Variants in THSD7B observed in about 807,000 individuals in gnomAD.
THSD7B encodes the protein thrombospondin type-1 domain-containing protein 7B.
Under a neutral mutation model 213.6 loss-of-function variants are expected in THSD7B, and 138 were observed. That is an observed-to-expected ratio of 0.65 (90% CI 0.56 to 0.74). The LOEUF is 0.74. Ranked by LOEUF, THSD7B falls within the 30% of genes least tolerant of loss-of-function variation. The pLI is 0.00. For missense variants in THSD7B, 1,931 were observed against 1,991.5 expected (o/e 0.97, Z 0.58); for synonymous variants, 742 against 687.0 (o/e 1.08, Z -1.25).
intron 15 of THSD7B, among the ~76,000 whole-genome samples, chr2:137,492,908 T>C (rs1382360484): frequency 6.6e-6 from 1 of 151,446 alleles, no homozygotes; most frequent in East Asian, 1.9e-4. Context: ...TTACCTGAGG[T>C]CAGAGATTCA....
chr2:137,356,289 T>C (rs528569533), intron 12 of THSD7B, among the ~76,000 whole-genome samples: 37 of 152,298 alleles, frequency 2.4e-4, no homozygotes, highest in African/African-American at 8.2e-4. Context: ...ACTCACGGGC[T>C]AGAACTTCTG....
intron 12 of THSD7B, among the ~76,000 whole-genome samples, chr2:137,316,913 C>T (rs1265679029): frequency 2.0e-5 from 3 of 151,956 alleles, no homozygotes; most frequent in African/African-American, 7.3e-5. Flanking sequence ...TGTATTACTC[C>T]CAGCAGATAA....
At chr2:137,251,173 C>T (rs897794145) in intron 10 of THSD7B, among the ~76,000 whole-genome samples, 3 of 152,126 alleles carry the variant, frequency 2.0e-5, no homozygotes, top group South Asian at 2.1e-4. Flanking sequence ...AACTGCTGAA[C>T]GAGAAGTTAG....
chr2:137,524,474 C>T (rs1382897238), intron 15 of THSD7B, among the ~76,000 whole-genome samples: 3 of 152,046 alleles, frequency 2.0e-5, no homozygotes, highest in South Asian at 2.1e-4. Context: ...CTTCCCCTCC[C>T]GACATAGTCT....
chr2:137,419,337 T>C (rs1273971551), intron 14 of THSD7B, among the ~76,000 whole-genome samples: 1 of 150,924 alleles, frequency 6.6e-6, no homozygotes, highest in Non-Finnish European at 1.5e-5. Flanking sequence ...GCCACTGCAA[T>C]TGAGCTCTCA....
At chr2:137,016,736 G>A (rs1357855715) in intron 2 of THSD7B, among the ~76,000 whole-genome samples, 2 of 152,150 alleles carry the variant, frequency 1.3e-5, no homozygotes, top group African/African-American at 4.8e-5. Context: ...ATGTAGTACT[G>A]TAGCATGAAT....
rs550089099 is a variant in THSD7B at position 136,967,945 on chromosome 2, G to A, written c.139+85628G>A. Among the ~76,000 whole-genome samples, 9 of 152,196 alleles carry A rather than the reference G, an allele frequency of 5.9e-5. No individual in the cohort carries two copies. In the South Asian group the frequency reaches 1.0e-3, roughly 18 times the overall value. The stretch of plus-strand genomic sequence containing the variant: ...CTGAGATTCATCCATATAGTATCAC[G>A]TCGCTGTATGTTTTTATTGCTGTAT... On this transcript the variant is annotated intron_variant, in intron 2 of 27. Transcript: ENST00000409968.
At chr2:136,878,859 T>C (rs1683569191) in intron 1 of THSD7B, among the ~76,000 whole-genome samples, 1 of 152,238 alleles carries the variant, frequency 6.6e-6, no homozygotes, top group Admixed American at 6.5e-5. Context: ...TCTCCCATTC[T>C]GTAGGTTGCC....
chr2:137,337,253 G>A (rs74548190), intron 12 of THSD7B, among the ~76,000 whole-genome samples: 3,258 of 151,954 alleles, frequency 0.021, 137 homozygotes, highest in African/African-American at 0.075. Context: ...ATCCCACATT[G>A]CATTTAGTTG....
intron 2 of THSD7B, among the ~76,000 whole-genome samples, chr2:137,038,494 C>A (rs930640649): frequency 1.3e-5 from 2 of 152,172 alleles, no homozygotes; most frequent in African/African-American, 4.8e-5. Context: ...ATTGCTGGGA[C>A]CTTTTCCAAA....
intron 3 of THSD7B, among the ~76,000 whole-genome samples, chr2:137,079,657 A>G (rs928080763): frequency 1.3e-5 from 2 of 152,152 alleles, no homozygotes; most frequent in African/African-American, 4.8e-5. Context: ...GTTTACCTTT[A>G]TGTGTCAGTG....
At chr2:137,636,120 A>T (rs1682828765) in intron 20 of THSD7B, among the ~76,000 whole-genome samples, 1 of 152,218 alleles carries the variant, frequency 6.6e-6, no homozygotes, top group Non-Finnish European at 1.5e-5. Context: ...AATTCCATAG[A>T]CAGCCAAGCC....
intron 2 of THSD7B, among the ~76,000 whole-genome samples, chr2:136,998,798 G>A (rs1020983562): frequency 1.3e-5 from 2 of 151,960 alleles, no homozygotes; most frequent in African/African-American, 4.8e-5. Context: ...GTTTCAAGAG[G>A]CAGAAACATA....
intron 1 of THSD7B, among the ~76,000 whole-genome samples, chr2:136,857,421 C>T (rs1683193436): frequency 1.3e-5 from 2 of 152,162 alleles, no homozygotes; most frequent in Non-Finnish European, 1.5e-5. Flanking sequence ...GTGGCAGCAA[C>T]TTGTGCTTTT....
chr2:137,078,443 C>T (rs1001509119), intron 3 of THSD7B, among the ~76,000 whole-genome samples: 14 of 152,090 alleles, frequency 9.2e-5, no homozygotes, highest in Non-Finnish European at 1.9e-4. Context: ...GATGCATATC[C>T]TTTATTAAGA....
intron 3 of THSD7B, among the ~76,000 whole-genome samples, chr2:137,087,084 C>T (rs1356351443): frequency 1.3e-5 from 2 of 152,086 alleles, no homozygotes; most frequent in East Asian, 3.9e-4. Flanking sequence ...TGAATTCTAT[C>T]TGCATGGTCA....
intron 20 of THSD7B, among the ~76,000 whole-genome samples, chr2:137,625,729 A>G (rs1436218324): frequency 6.6e-6 from 1 of 152,096 alleles, no homozygotes; most frequent in African/African-American, 2.4e-5. Flanking sequence ...TCAGGTGGGC[A>G]TTGCACACTG....
intron 7 of THSD7B, among the ~76,000 whole-genome samples, chr2:137,224,899 T>G (rs987411616): frequency 1.3e-5 from 2 of 152,218 alleles, no homozygotes; most frequent in Non-Finnish European, 2.9e-5. Context: ...TTCCTGGCCT[T>G]TGTAATCATG....
intron 2 of THSD7B, among the ~76,000 whole-genome samples, chr2:136,891,337 A>T (rs755087887): frequency 2.6e-4 from 40 of 152,176 alleles, no homozygotes; most frequent in Non-Finnish European, 4.9e-4. Context: ...ACTAAAACTG[A>T]TTCAACATTC....
Sources: gnomAD v4.1 joint callset for allele counts (sites outside exome capture counted in the v4.1 genomes callset) on GRCh38, gnomAD v4.1.1 for gene constraint, MANE v1.5 for transcripts, NCBI Gene and HGNC (gene_info 2026-07-23, HGNC 2026-07-21) for gene names.